CCM2: variants seen among roughly 807,000 people sequenced by gnomAD.
CCM2 encodes the protein cerebral cavernous malformations 2 protein.
Under a neutral mutation model 44.9 loss-of-function variants are expected in CCM2, and 25 were observed. That is an observed-to-expected ratio of 0.56 (90% CI 0.41 to 0.78). The LOEUF is 0.78. Ranked by LOEUF, CCM2 falls within the 30% of genes least tolerant of loss-of-function variation. CCM2 has a pLI of 0.00. For missense variants in CCM2, 481 were observed against 580.6 expected (o/e 0.83, Z 1.76); for synonymous variants, 219 against 241.1 (o/e 0.91, Z 0.85).
chr7:45,041,050 A>G (rs1236974928), intron 2 of CCM2, among the ~76,000 whole-genome samples: 1 of 152,224 alleles, frequency 6.6e-6, no homozygotes, highest in African/African-American at 2.4e-5. Flanking sequence ...TCATAGCCCA[A>G]GGGGTCTGCC....
Position 45,073,454 on chromosome 7 carries a change from T to G in CCM2, c.804-6T>G, listed in dbSNP as rs1799184675. The stretch of plus-strand genomic sequence containing the variant: ...CCACCCGCTCACATACCACATTCTT[T>G]CGCAGCTGCTTCCCTGAATCTGTGG... On this transcript the variant is annotated splice_region_variant and splice_polypyrimidine_tract_variant and intron_variant, in intron 7 of 9. Transcript: ENST00000258781. 5 of 1,611,022 alleles carry G rather than the reference T, an allele frequency of 3.1e-6. No individual in the cohort carries two copies. The highest frequency in any genetic ancestry group is 3.4e-6 in the Non-Finnish European group (4 of 1,177,674).
Position 45,068,576 on chromosome 7 carries a change from C to T in CCM2, c.606C>T (p.Ser202=), listed in dbSNP as rs1798901064. ...ACCLVILAAE[S]KVAAEELCCL... is the part of the protein sequence containing the mutation. ...GCCTGGTCATCCTGGCTGCAGAGAG[C>T]AAGGTGAGACTTTCTCGCCCCACTT... Residue 202 remains serine (S), a synonymous_variant, in exon 5 of 10, where the codon AGC becomes AGT. Coordinates refer to ENST00000258781, the MANE Select transcript of CCM2 (RefSeq NM_031443.4). The T allele has an allele frequency of 6.2e-7, 1 of 1,613,836 alleles. No homozygotes were observed. Among genetic ancestry groups the T allele is most frequent in the African/African-American group, 1.3e-5 (1 of 74,926 alleles).
Position 45,067,285 on chromosome 7 carries a change from C to T in CCM2, c.473-1158C>T, listed in dbSNP as rs183127430. Among the ~76,000 whole-genome samples, 924 of 151,068 alleles carry T rather than the reference C, an allele frequency of 6.1e-3. 3 individuals are homozygous for T. The highest frequency in any genetic ancestry group is 9.6e-3 in the Non-Finnish European group (650 of 67,780). The stretch of plus-strand genomic sequence containing the variant: ...TTGGTTCACTGCAATCTCCGCCCCC[C>T]GAGTAGCTGGGATTACAGGCATGAG... On this transcript the variant is annotated intron_variant, in intron 4 of 9. Transcript: ENST00000258781.
chr7:45,002,576 A>C (rs1795684806), intron 1 of CCM2, among the ~76,000 whole-genome samples: 1 of 140,402 alleles, frequency 7.1e-6, no homozygotes, highest in Non-Finnish European at 1.5e-5. Flanking sequence ...GCTTTTTTTT[A>C]CCTCGGCCCA....
intron 1 of CCM2, among the ~76,000 whole-genome samples, chr7:45,004,631 GTC>G (rs1230876732): frequency 1.1e-4 from 17 of 152,206 alleles, no homozygotes; most frequent in Admixed American, 3.9e-4. Flanking sequence ...AAATGTGTGT[GTC>G]TGTATAACCG....
chr7:45,062,520 G>C (rs1798572141), intron 2 of CCM2, among the ~76,000 whole-genome samples: 1 of 152,198 alleles, frequency 6.6e-6, no homozygotes, highest in African/African-American at 2.4e-5. Context: ...AGATACCACA[G>C]ACTGGGAAAT....
intron 2 of CCM2, among the ~76,000 whole-genome samples, chr7:45,060,314 A>G (rs1798462285): frequency 6.6e-6 from 1 of 152,206 alleles, no homozygotes. Context: ...TATAGGTAGG[A>G]TGTTTTTTTC....
At chr7:45,015,129 G>T (rs1796215022) in intron 1 of CCM2, among the ~76,000 whole-genome samples, 1 of 152,062 alleles carries the variant, frequency 6.6e-6, no homozygotes. Context: ...TAGTGGAAAT[G>T]GTATTTGGAA....
At chr7:45,004,975 G>A (rs552504247) in intron 1 of CCM2, among the ~76,000 whole-genome samples, 5 of 143,894 alleles carry the variant, frequency 3.5e-5, no homozygotes, top group African/African-American at 1.1e-4. Context: ...CAGCCTGGGC[G>A]ACAAGAGTAA....
rs541140694 is a variant in CCM2, at chr7:45,016,991, G to C, written c.30+16628G>C. On this transcript the variant is annotated intron_variant, in intron 1 of 9. Transcript: ENST00000258781. ...TCACCATGTTAGCCAGGATGGTCTC[G>C]ATCTCCTGACCTCGTGATCCACCTG... is the stretch of plus-strand genomic sequence containing the variant. Among the ~76,000 whole-genome samples, 540 of 151,424 alleles carry C rather than the reference G, an allele frequency of 3.6e-3. 4 individuals carry two copies. Among genetic ancestry groups the C allele is most frequent in the African/African-American group, 0.012 (511 of 41,232 alleles).
At chr7:45,062,615 G>C (rs1432195259) in intron 2 of CCM2, among the ~76,000 whole-genome samples, 2 of 152,168 alleles carry the variant, frequency 1.3e-5, no homozygotes, top group Admixed American at 1.3e-4. Flanking sequence ...TGAGCAGATT[G>C]CTTAAGTCCA....
At chr7:45,019,767 G>T (rs531608895) in intron 1 of CCM2, among the ~76,000 whole-genome samples, 1 of 152,100 alleles carries the variant, frequency 6.6e-6, no homozygotes, top group South Asian at 2.1e-4. Context: ...TAGAAATGGG[G>T]TCTCACTATG....
Position 45,075,862 on chromosome 7 carries a change from C to T in CCM2, c.1140C>T (p.Ile380=), listed in dbSNP as rs1462729588. ...TTGGCGTGAAGGATGGCCGCGGCAT[C>T]ATCACTGACAGCTTTGGCAGGCACC... ...ETIGVKDGRG[I]ITDSFGRHRR... is the part of the protein sequence containing the mutation. Residue 380 remains isoleucine (I), a synonymous_variant, in exon 10 of 10, where the codon ATC becomes ATT. Transcript: ENST00000258781. 8 of 1,613,686 alleles carry T rather than the reference C, an allele frequency of 5.0e-6. No homozygotes were observed. The highest frequency in any genetic ancestry group is 1.7e-5 in the Admixed American group (1 of 60,024).
At position 45,010,099 on chromosome 7, in the gene CCM2, C is replaced by T. The variant is rs146581137; in HGVS notation, c.30+9736C>T. On this transcript the variant is annotated intron_variant, in intron 1 of 9. Transcript: ENST00000258781. Reference sequence around the variant, plus strand: ...TAATTTTTTTTATTTTTTGTAGAGACGAGGTCTCACTGTGTTGCCCAGGCT... The same window carrying T: ...TAATTTTTTTTATTTTTTGTAGAGATGAGGTCTCACTGTGTTGCCCAGGCT... 5.2e-3 allele frequency among the ~76,000 whole-genome samples: 786 copies of T among 151,992 alleles called. 11 individuals carry two copies. Among genetic ancestry groups the T allele is most frequent in the Non-Finnish European group, 6.9e-3 (471 of 67,948 alleles).
chr7:45,013,768 C>T (rs529651910), intron 1 of CCM2, among the ~76,000 whole-genome samples: 1 of 152,258 alleles, frequency 6.6e-6, no homozygotes, highest in Admixed American at 6.5e-5. Context: ...CTTTTCTTGT[C>T]TCTGATGATT....
At chr7:45,024,038 C>T (rs373292654) in intron 1 of CCM2, among the ~76,000 whole-genome samples, 32 of 152,016 alleles carry the variant, frequency 2.1e-4, no homozygotes, top group Middle Eastern at 3.4e-3. Flanking sequence ...CTCGAATTCC[C>T]GACATCAGGT....
At chr7:45,057,815 TC>T in intron 2 of CCM2, among the ~76,000 whole-genome samples, 1 of 152,278 alleles carries the variant, frequency 6.6e-6, no homozygotes, top group South Asian at 2.1e-4. Context: ...TTTGCATTCT[TC>T]CCTCCCCACT....
chr7:45,067,968 A>C, intron 4 of CCM2: 1 of 223,288 alleles, frequency 4.5e-6, no homozygotes. Context: ...GGAGAACCTC[A>C]TTTGTCTAGG....
At chr7:45,006,383 A>T (rs1437152383) in intron 1 of CCM2, among the ~76,000 whole-genome samples, 9 of 150,622 alleles carry the variant, frequency 6.0e-5, no homozygotes, top group Non-Finnish European at 1.0e-4. Context: ...TTGCTCTGTC[A>T]CCCAGGCTGG....
Sources: gnomAD v4.1 joint callset for allele counts (sites outside exome capture counted in the v4.1 genomes callset) on GRCh38, gnomAD v4.1.1 for gene constraint, MANE v1.5 for transcripts, NCBI Gene and HGNC (gene_info 2026-07-23, HGNC 2026-07-21) for gene names.